AHI1: variants seen among roughly 807,000 people sequenced by gnomAD.
The protein encoded by AHI1 is jouberin.
Under a neutral mutation model 149.3 loss-of-function variants are expected in AHI1, and 123 were observed. That is an observed-to-expected ratio of 0.82 (90% CI 0.71 to 0.96). The LOEUF is 0.96. AHI1 is among the 40% of genes least tolerant of loss of function. The probability of loss-of-function intolerance (pLI) is 0.00; values close to 1 mark genes in which losing one functional copy is unlikely to be tolerated. For missense variants in AHI1, 1,439 were observed against 1,422.7 expected, an observed-to-expected ratio of 1.01 and a Z score of -0.18; for synonymous variants, 475 against 459.8, an observed-to-expected ratio of 1.03 and a Z score of -0.42.
chr6:135,327,650 C>A (rs1316255644), intron 24 of AHI1, among the ~76,000 whole-genome samples: 1 of 152,200 alleles, frequency 6.6e-6, no homozygotes. Flanking sequence ...TCCTTCTGCT[C>A]TCCTTTTACC....
At chr6:135,324,574 T>TATATATATATATATA (rs1787364418) in intron 24 of AHI1, among the ~76,000 whole-genome samples, 1 of 137,584 alleles carries the variant, frequency 7.3e-6, no homozygotes, top group African/African-American at 2.9e-5. Flanking sequence ...ATATATATAT[T>TATATATATATATATA]TATAGCATGT....
intron 26 of AHI1, among the ~76,000 whole-genome samples, chr6:135,317,960 G>C (rs1243162664): frequency 4.6e-5 from 7 of 152,208 alleles, no homozygotes; most frequent in African/African-American, 1.7e-4. Context: ...TTCTACCAAA[G>C]TACTGCTAAC....
At chr6:135,442,501 G>C in intron 14 of AHI1, 81 bp downstream of exon 14, 3 of 1,414,980 alleles carry the variant, frequency 2.1e-6, no homozygotes, top group Non-Finnish European at 2.8e-6. Flanking sequence ...CTCAAGTTAA[G>C]ATTTCCATGA....
intron 5 of AHI1, among the ~76,000 whole-genome samples, chr6:135,482,894 C>CTTTTGTTTTTTTTTTTTTTTT (rs1793903247): frequency 1.8e-5 from 1 of 55,732 alleles, no homozygotes; most frequent in Non-Finnish European, 2.8e-5. Flanking sequence ...CCATTTAAGG[C>CTTTTGTTTTTTTTTTTTTTTT]TTTTTTTTTT....
chr6:135,358,133 G>A lies in AHI1; in HGVS notation c.3164C>T (p.Thr1055Met), dbSNP rs73559947. 2.7e-4 allele frequency: 442 copies of A among 1,611,784 alleles called. No homozygotes were observed. In the African/African-American group the frequency reaches 4.7e-3, roughly 17 times the overall value. ...PCNHQVDTAP[T>M]VVALYDYTAN... ...CAACGTAGCAACAGACTGTCTTACCGTTGGTGCTGTATCTACCTGATGGTT... is the reference window on the plus strand; with the variant it reads ...CAACGTAGCAACAGACTGTCTTACCATTGGTGCTGTATCTACCTGATGGTT... Residue 1055 changes from threonine (T) to methionine (M), a missense_variant and splice_region_variant, in exon 24 of 29, where the codon ACG (threonine) becomes ATG (methionine). Coordinates refer to ENST00000265602, the MANE Select transcript of AHI1 (RefSeq NM_001134831.2).
intron 21 of AHI1, among the ~76,000 whole-genome samples, chr6:135,408,797 A>G (rs1781172963): frequency 6.6e-6 from 1 of 152,182 alleles, no homozygotes; most frequent in Middle Eastern, 3.2e-3. Context: ...TAATTCTAAT[A>G]AAAGGACTTC....
At chr6:135,356,538 C>T (rs1792991644) in intron 24 of AHI1, among the ~76,000 whole-genome samples, 1 of 152,082 alleles carries the variant, frequency 6.6e-6, no homozygotes, top group African/African-American at 2.4e-5. Context: ...GTAGTAACAT[C>T]CTTACTTTGT....
At chr6:135,412,180 AT>A (rs1460772600) in intron 20 of AHI1, among the ~76,000 whole-genome samples, 4 of 152,194 alleles carry the variant, frequency 2.6e-5, no homozygotes, top group Non-Finnish European at 5.9e-5. Context: ...TCAGAAAAAA[AT>A]AACAATACTA....
chr6:135,400,146 CG>C (rs1562673569), intron 22 of AHI1, among the ~76,000 whole-genome samples: 1 of 151,460 alleles, frequency 6.6e-6, no homozygotes, highest in Non-Finnish European at 1.5e-5. Context: ...TGGAATGCCA[CG>C]AAAAAATAAT....
At position 135,358,144 on chromosome 6, in the gene AHI1, A is replaced by G; in HGVS notation, c.3153T>C (p.Asp1051=). ...CAGACTGTCTTACCGTTGGTGCTGT[A>G]TCTACCTGATGGTTACAAGGCTTTC... ...IERKPCNHQV[D]TAPTVVALYD... Residue 1051 remains aspartate, a synonymous_variant, in exon 24 of 29, where the codon GAT becomes GAC. Transcript: ENST00000265602. The G allele has an allele frequency of 6.2e-7, 1 of 1,613,172 alleles. No individual in the cohort carries two copies. The highest frequency in any genetic ancestry group is 8.5e-7 in the Non-Finnish European group (1 of 1,179,426).
intron 20 of AHI1, among the ~76,000 whole-genome samples, 184 bp from the exon 21 acceptor site, chr6:135,411,728 T>C (rs937848592): frequency 6.6e-6 from 1 of 151,998 alleles, no homozygotes; most frequent in African/African-American, 2.4e-5. Context: ...AGGAAGCAAA[T>C]AGAATTTCAT....
chr6:135,368,177 G>A (rs535420330), intron 23 of AHI1, among the ~76,000 whole-genome samples: 3 of 152,306 alleles, frequency 2.0e-5, no homozygotes, highest in East Asian at 3.9e-4. Flanking sequence ...TTTCTGCAGA[G>A]TCTGGTGATG....
At chr6:135,293,777 T>C (rs920553175) in intron 27 of AHI1, among the ~76,000 whole-genome samples, 2 of 152,366 alleles carry the variant, frequency 1.3e-5, no homozygotes, top group African/African-American at 2.4e-5. Context: ...ACTCAGATGA[T>C]TGAATATTGT....
chr6:135,436,519 G>C (rs1450248142), intron 15 of AHI1, among the ~76,000 whole-genome samples: 4 of 152,100 alleles, frequency 2.6e-5, no homozygotes, highest in Non-Finnish European at 5.9e-5. Context: ...TACTCCTGAT[G>C]GTGTAGAAAA....
rs1554283225 is a variant in AHI1, at chr6:135,340,667, A to ATATATATATG, written c.3166-17344_3166-17343insCATATATATA. On this transcript the variant is annotated intron_variant, in intron 24 of 28. Coordinates refer to ENST00000265602, the MANE Select transcript of AHI1 (RefSeq NM_001134831.2). ...TATATATACATACATACATATATAT[A>ATATATATATG]TATATATATATATATATATATATAT... 2.1e-3 allele frequency among the ~76,000 whole-genome samples: 242 copies of ATATATATATG among 115,730 alleles called. 2 individuals are homozygous for ATATATATATG. The highest frequency in any genetic ancestry group is 3.9e-3 in the Admixed American group (49 of 12,530). The allele number at this position is 115,730 out of a possible 152,430, so 75.9% of individuals were successfully genotyped here.
At position 135,429,934 on chromosome 6, in the gene AHI1, G is replaced by A. The variant is rs1363664911; in HGVS notation, c.2440C>T (p.Arg814Cys). The change falls in exon 18 of 29, where the codon CGT becomes TGT. Residue 814 changes from arginine (R) to cysteine (C), a missense_variant. Arg to Cys is a radical substitution (Grantham distance 180). Coordinates refer to ENST00000265602, the MANE Select transcript of AHI1 (RefSeq NM_001134831.2). ...CTGTCTTTGGTATGGATTAACAAAC[G>A]TTTTCCATTGGGATGAATCTCCAAA... is the stretch of plus-strand genomic sequence containing the variant. Reference protein sequence around the residue: ...SYLEIHPNGKRLLIHTKDSTL... With the variant: ...SYLEIHPNGKCLLIHTKDSTL... 46 of 1,590,356 alleles carry A rather than the reference G, an allele frequency of 2.9e-5. No individual in the cohort carries two copies. The highest frequency in any genetic ancestry group is 7.0e-5 in the South Asian group (6 of 86,284).
intron 8 of AHI1, 69 bp downstream of exon 8, chr6:135,463,056 G>T: frequency 7.6e-7 from 1 of 1,320,776 alleles, no homozygotes. Context: ...GTTTTAAAGG[G>T]CTAAAATTCC....
chr6:135,304,759 A>C (rs533378720), intron 26 of AHI1, among the ~76,000 whole-genome samples: 1 of 152,210 alleles, frequency 6.6e-6, no homozygotes, highest in African/African-American at 2.4e-5. Flanking sequence ...AGACAGAGCG[A>C]GATTCCATCT....
chr6:135,431,944 T>C (rs1784718565), intron 16 of AHI1, among the ~76,000 whole-genome samples: 1 of 151,890 alleles, frequency 6.6e-6, no homozygotes. Flanking sequence ...AAAGAAAATC[T>C]ATCTTCTACA....
Sources: allele counts gnomAD v4.1 joint callset (sites outside exome capture counted in the v4.1 genomes callset), GRCh38; gene constraint gnomAD v4.1.1; transcripts MANE v1.5; gene names NCBI Gene and HGNC (gene_info 2026-07-23, HGNC 2026-07-21).